Variants in PARD3 observed in about 807,000 individuals in gnomAD.
The protein encoded by PARD3 is partitioning defective 3 homolog.
A neutral mutation model predicts 155.4 loss-of-function variants in PARD3; 75 were observed. The observed-to-expected ratio is 0.48, with a 90% confidence interval of 0.40 to 0.58. PARD3 has a LOEUF of 0.58. Ranked by LOEUF, PARD3 falls within the 20% of genes least tolerant of loss-of-function variation. The probability of loss-of-function intolerance (pLI) is 0.00; values close to 1 mark genes in which losing one functional copy is unlikely to be tolerated. For missense variants in PARD3, 1,642 were observed against 1,721.7 expected (o/e 0.95, Z 0.82); for synonymous variants, 576 against 610.5 (o/e 0.94, Z 0.83).
chr10:34,263,008 C>A (rs570541250), intron 22 of PARD3, among the ~76,000 whole-genome samples: 2 of 152,228 alleles, frequency 1.3e-5, no homozygotes, highest in Non-Finnish European at 2.9e-5. Context: ...GGAGACCAAG[C>A]TATTTAATGA....
At chr10:34,234,394 C>G (rs35833258) in intron 22 of PARD3, among the ~76,000 whole-genome samples, 1 of 152,158 alleles carries the variant, frequency 6.6e-6, no homozygotes, top group Admixed American at 6.5e-5. Context: ...AGCTTTGCCT[C>G]GGTAGGTTCA....
chr10:34,604,357 A>G (rs2090043979), intron 2 of PARD3, among the ~76,000 whole-genome samples: 1 of 151,938 alleles, frequency 6.6e-6, no homozygotes. Flanking sequence ...GCTTCCAACA[A>G]ATTTAAAGCA....
chr10:34,445,432 T>C (rs968137187), intron 5 of PARD3, among the ~76,000 whole-genome samples: 2 of 152,218 alleles, frequency 1.3e-5, no homozygotes, highest in Non-Finnish European at 1.5e-5. Flanking sequence ...TCTTCTAGTA[T>C]ACAGTTTCAC....
rs1348114994 is a variant in PARD3 at position 34,320,191 on chromosome 10, G to GT, written c.2834-2854dup. Reference sequence around the variant, plus strand: ...GACCAAAACTTTATCTAATCGCCAGGTATCACCATTCCTCTAGCTTTAGAA... The same window carrying GT: ...GACCAAAACTTTATCTAATCGCCAGGTTATCACCATTCCTCTAGCTTTAGAA... On this transcript the variant is annotated intron_variant, in intron 19 of 24. Transcript: ENST00000374788. Among the ~76,000 whole-genome samples the GT allele has an allele frequency of 3.9e-5, 6 of 152,258 alleles. No individual in the cohort carries two copies. The East Asian group carries it at 9.7e-4, about 25-fold the overall frequency.
intron 19 of PARD3, 41 bp from the exon 20 acceptor site, chr10:34,317,379 A>G (rs1958074898): frequency 6.4e-7 from 1 of 1,557,806 alleles, no homozygotes. Flanking sequence ...CAGTGAACCA[A>G]CGCAACAAAA....
chr10:34,327,905 G>A (rs1322913843), intron 19 of PARD3, among the ~76,000 whole-genome samples: 1 of 152,130 alleles, frequency 6.6e-6, no homozygotes, highest in African/African-American at 2.4e-5. Flanking sequence ...CATGCAGCCA[G>A]GGGACACATA....
intron 2 of PARD3, among the ~76,000 whole-genome samples, chr10:34,579,597 T>C (rs1185918371): frequency 6.6e-6 from 1 of 151,618 alleles, no homozygotes; most frequent in Admixed American, 6.6e-5. Flanking sequence ...TGTGTGTGTT[T>C]TGACACGGAG....
intron 23 of PARD3, among the ~76,000 whole-genome samples, chr10:34,123,289 T>C (rs567799461): frequency 7.0e-6 from 1 of 142,094 alleles, no homozygotes; most frequent in East Asian, 1.9e-4. Context: ...AAGTGAAAAA[T>C]ATGTATTTTT....
chr10:34,507,731 T>C (rs2081174227), intron 3 of PARD3, among the ~76,000 whole-genome samples: 1 of 152,160 alleles, frequency 6.6e-6, no homozygotes, highest in Non-Finnish European at 1.5e-5. Context: ...AGCAATTTTG[T>C]ATCCCATCTC....
chr10:34,472,775 A>AC (rs1212708607), intron 3 of PARD3, among the ~76,000 whole-genome samples: 1 of 152,142 alleles, frequency 6.6e-6, no homozygotes, highest in East Asian at 1.9e-4. Context: ...GTATATTCTA[A>AC]CCCCCCAATA....
intron 22 of PARD3, among the ~76,000 whole-genome samples, chr10:34,269,342 C>T (rs1955499604): frequency 6.6e-6 from 1 of 152,136 alleles, no homozygotes; most frequent in South Asian, 2.1e-4. Flanking sequence ...GGACATATCA[C>T]TTAAGTAGAA....
intron 2 of PARD3, among the ~76,000 whole-genome samples, chr10:34,653,126 T>C (rs535546039): frequency 6.6e-6 from 1 of 152,146 alleles, no homozygotes; most frequent in South Asian, 2.1e-4. Context: ...GAGGGTCTTA[T>C]ATAAGTGATA....
At chr10:34,809,045 A>G (rs145731682) in intron 1 of PARD3, among the ~76,000 whole-genome samples, 1 of 152,292 alleles carries the variant, frequency 6.6e-6, no homozygotes, top group Non-Finnish European at 1.5e-5. Flanking sequence ...CTGAAAAACA[A>G]ACTGAACTCC....
At chr10:34,410,735 GA>G (rs1178859176) in intron 5 of PARD3, among the ~76,000 whole-genome samples, 2 of 152,194 alleles carry the variant, frequency 1.3e-5, no homozygotes, top group Non-Finnish European at 2.9e-5. Flanking sequence ...CAGAGGCACT[GA>G]TTGCTTCTGT....
chr10:34,407,547 T>C (rs547145941), intron 5 of PARD3, among the ~76,000 whole-genome samples: 2 of 152,198 alleles, frequency 1.3e-5, no homozygotes, highest in African/African-American at 4.8e-5. Context: ...TTTATAGTTT[T>C]TCAAGTCTCA....
chr10:34,248,229 C>G (rs1271266024), intron 22 of PARD3, among the ~76,000 whole-genome samples: 1 of 152,114 alleles, frequency 6.6e-6, no homozygotes, highest in Non-Finnish European at 1.5e-5. Context: ...TAGCTTGGCA[C>G]TCCAGATATG....
intron 2 of PARD3, among the ~76,000 whole-genome samples, chr10:34,585,615 T>C (rs1344521011): frequency 6.6e-6 from 1 of 151,800 alleles, no homozygotes; most frequent in Non-Finnish European, 1.5e-5. Context: ...AAGTGAAAAT[T>C]GTGGTGTGCG....
rs558985526 is a variant in PARD3 at position 34,198,968 on chromosome 10, C to G, written c.3420-67385G>C. ...AGTTGCTTTTCAGTTGCCATGGACT[C>G]TCAGGTTAAAGGTCACAAAACCTGG... On this transcript the variant is annotated intron_variant, in intron 22 of 24. Coordinates refer to ENST00000374788, the MANE Select transcript of PARD3 (RefSeq NM_001184785.2). 3.3e-5 allele frequency among the ~76,000 whole-genome samples: 5 copies of G among 152,234 alleles called. No homozygotes were observed. The South Asian group carries it at 1.0e-3, about 32-fold the overall frequency.
intron 5 of PARD3, among the ~76,000 whole-genome samples, chr10:34,438,826 T>TG (rs1181733987): frequency 6.6e-6 from 1 of 151,888 alleles, no homozygotes; most frequent in African/African-American, 2.4e-5. Context: ...CGCCATCAAA[T>TG]GGGGGGATGG....
Sources: allele counts gnomAD v4.1 joint callset (sites outside exome capture counted in the v4.1 genomes callset), GRCh38; gene constraint gnomAD v4.1.1; transcripts MANE v1.5; gene names NCBI Gene and HGNC (gene_info 2026-07-23, HGNC 2026-07-21).